IGSF11: variants seen among roughly 807,000 people sequenced by gnomAD.
IGSF11 encodes the protein immunoglobulin superfamily member 11.
A neutral mutation model predicts 41.0 loss-of-function variants in IGSF11; 22 were observed. The observed-to-expected ratio is 0.54, with a 90% confidence interval of 0.38 to 0.77. The LOEUF (loss-of-function observed/expected upper bound fraction) is 0.77, where lower values mean the gene tolerates loss of function less well. IGSF11 is among the 30% of genes least tolerant of loss of function. IGSF11 has a pLI of 0.00. For synonymous variants in IGSF11, 219 were observed against 201.3 expected (o/e 1.09, Z -0.74); for missense variants, 444 against 530.8 (o/e 0.84, Z 1.61).
chr3:118,921,231 T>C (rs890347409), intron 4 of IGSF11, among the ~76,000 whole-genome samples: 1 of 152,142 alleles, frequency 6.6e-6, no homozygotes, highest in Non-Finnish European at 1.5e-5. Context: ...GAATGTAAGC[T>C]CTACAAAGGG....
rs200930149 is a variant in IGSF11, at chr3:118,916,512, G to A, written c.580+9589C>T. 3.4e-4 allele frequency among the ~76,000 whole-genome samples: 51 copies of A among 151,720 alleles called. 1 individual carries two copies. In the East Asian group the frequency reaches 7.6e-3, roughly 23 times the overall value. ...ACAAAGATCAAAAGAGACAATGAAGGCCATTACATAATGGTAAAGGGATCA... is the reference window on the plus strand; with the variant it reads ...ACAAAGATCAAAAGAGACAATGAAGACCATTACATAATGGTAAAGGGATCA... On this transcript the variant is annotated intron_variant, in intron 4 of 6. Transcript: ENST00000393775.
In IGSF11 at chr3:118,927,156, G is replaced by A. The variant is rs1301318026; in HGVS notation, c.425-900C>T. On this transcript the variant is annotated intron_variant, in intron 3 of 6. Coordinates refer to ENST00000393775, the MANE Select transcript of IGSF11 (RefSeq NM_001015887.3). ...ATAGGTAGGAAGAGTAAAAATCTTA[G>A]AGAATCCTAACTACTGCGGTGGGGC... Among the ~76,000 whole-genome samples the A allele has an allele frequency of 2.0e-5, 3 of 152,228 alleles. No homozygotes were observed. In the East Asian group the frequency reaches 5.8e-4, roughly 29 times the overall value.
chr3:119,143,822 C>A (rs1215088293), intron 1 of IGSF11, among the ~76,000 whole-genome samples: 1 of 152,064 alleles, frequency 6.6e-6, no homozygotes, highest in Non-Finnish European at 1.5e-5. Context: ...ATACTATTAT[C>A]AGACAAAATA....
intron 1 of IGSF11, among the ~76,000 whole-genome samples, chr3:118,998,623 A>G (rs1936503726): frequency 6.6e-6 from 1 of 152,020 alleles, no homozygotes; most frequent in Non-Finnish European, 1.5e-5. Context: ...AATATGTCAT[A>G]TTTTACTGTA....
intron 1 of IGSF11, among the ~76,000 whole-genome samples, chr3:119,140,207 C>A (rs1353274382): frequency 1.3e-5 from 2 of 151,904 alleles, no homozygotes; most frequent in Non-Finnish European, 2.9e-5. Context: ...CCAACTATAC[C>A]ACTACGTATA....
intron 1 of IGSF11, among the ~76,000 whole-genome samples, chr3:119,137,919 A>G (rs1228672367): frequency 1.3e-5 from 2 of 152,168 alleles, no homozygotes; most frequent in Admixed American, 6.5e-5. Context: ...ACATTTCTCA[A>G]AAGAAGACAT....
At chr3:119,127,721 C>T (rs1345015851) in intron 1 of IGSF11, among the ~76,000 whole-genome samples, 2 of 152,222 alleles carry the variant, frequency 1.3e-5, no homozygotes, top group African/African-American at 2.4e-5. Flanking sequence ...AGAAACTCTA[C>T]AAGCCAGAAG....
chr3:118,962,816 C>A (rs1298424695), intron 1 of IGSF11, among the ~76,000 whole-genome samples: 6 of 151,964 alleles, frequency 3.9e-5, no homozygotes, highest in Non-Finnish European at 5.9e-5. Context: ...GAAGGAATAA[C>A]TGGAAGGGCA....
intron 1 of IGSF11, among the ~76,000 whole-genome samples, chr3:118,998,087 T>G (rs1287224400): frequency 6.6e-6 from 1 of 152,158 alleles, no homozygotes; most frequent in African/African-American, 2.4e-5. Flanking sequence ...ATATATAAAA[T>G]AATAATATAT....
rs1553711932 is a variant in IGSF11 at position 119,011,945 on chromosome 3, C to CTGTG, written c.52+22582_52+22585dup. On this transcript the variant is annotated intron_variant, in intron 1 of 6. Coordinates refer to ENST00000393775, the MANE Select transcript of IGSF11 (RefSeq NM_001015887.3). ...CAATCAACAGATGCTATATAGTGTT[C>CTGTG]TGTGTGTGTGTGTGTGTGTGTGTGT... is the stretch of plus-strand genomic sequence containing the variant. Among the ~76,000 whole-genome samples the CTGTG allele has an allele frequency of 6.2e-3, 915 of 148,586 alleles. 6 individuals carry two copies. Among genetic ancestry groups the CTGTG allele is most frequent in the South Asian group, 0.031 (143 of 4,662 alleles).
chr3:119,143,335 G>A (rs2077674294), intron 1 of IGSF11, among the ~76,000 whole-genome samples: 1 of 152,124 alleles, frequency 6.6e-6, no homozygotes, highest in Non-Finnish European at 1.5e-5. Context: ...AAAAAGTAGA[G>A]ACAGACATGT....
At chr3:119,132,378 CAAAAAAAAAA>C (rs58700219) in intron 1 of IGSF11, among the ~76,000 whole-genome samples, 1 of 39,782 alleles carries the variant, frequency 2.5e-5, no homozygotes, top group Non-Finnish European at 4.1e-5. Context: ...AAACAGAAAG[CAAAAAAAAAA>C]AAAAAAAAAA....
At chr3:119,033,288 ACT>A (rs1397400119) in intron 1 of IGSF11, among the ~76,000 whole-genome samples, 2 of 152,194 alleles carry the variant, frequency 1.3e-5, no homozygotes, top group East Asian at 1.9e-4. Flanking sequence ...AAGCCGATTT[ACT>A]CTCTTATTTC....
rs1015719359 is a variant in IGSF11, at chr3:119,040,802, G to C, written c.49+64342C>G. Among the ~76,000 whole-genome samples the C allele has an allele frequency of 3.9e-5, 6 of 152,286 alleles. 1 individual carries two copies. The highest frequency in any genetic ancestry group is 3.9e-4 in the East Asian group (2 of 5,184). ...AATTCTCAAGAAATCTGACAGGATT[G>C]AAATTATTTACAACACATTCTTTGA... On this transcript the variant is annotated intron_variant, in intron 1 of 6. Transcript: ENST00000354673.
chr3:119,070,719 G>A (rs1418031739), intron 1 of IGSF11, among the ~76,000 whole-genome samples: 3 of 152,152 alleles, frequency 2.0e-5, no homozygotes, highest in Admixed American at 1.3e-4. Flanking sequence ...AGAGGCACCT[G>A]TGGAATAAAG....
At chr3:119,049,959 A>C (rs1941544665) in intron 1 of IGSF11, among the ~76,000 whole-genome samples, 1 of 147,280 alleles carries the variant, frequency 6.8e-6, no homozygotes, top group Non-Finnish European at 1.5e-5. Context: ...TAGAAAGCTG[A>C]AACTGGATCC....
chr3:118,970,607 C>T (rs573863020), intron 1 of IGSF11, among the ~76,000 whole-genome samples: 37 of 152,150 alleles, frequency 2.4e-4, no homozygotes, highest in Non-Finnish European at 4.1e-4. Flanking sequence ...ATTATATTCA[C>T]ATACTTTTGT....
chr3:118,957,450 T>G (rs1290843644), intron 1 of IGSF11, among the ~76,000 whole-genome samples: 1 of 152,228 alleles, frequency 6.6e-6, no homozygotes, highest in Non-Finnish European at 1.5e-5. Flanking sequence ...TTTCCTCTCA[T>G]GTGAGTTCTG....
At chr3:119,004,196 G>C (rs1354956889) in intron 1 of IGSF11, among the ~76,000 whole-genome samples, 2 of 149,968 alleles carry the variant, frequency 1.3e-5, no homozygotes, top group Admixed American at 6.6e-5. Context: ...TCTTGGGAGA[G>C]TGTATGTGTC....
Sources: allele counts gnomAD v4.1 joint callset (sites outside exome capture counted in the v4.1 genomes callset), GRCh38; gene constraint gnomAD v4.1.1; transcripts MANE v1.5; gene names NCBI Gene and HGNC (gene_info 2026-07-23, HGNC 2026-07-21).